The following SH3PXD2B variants were observed in gnomAD, a reference collection of about 807,000 sequenced individuals.
SH3PXD2B encodes SH3 and PX domains 2B.
SH3PXD2B carries 37 observed loss-of-function variants against 73.1 expected under a neutral mutation model. The ratio of observed to expected loss-of-function variants is 0.51; its 90% CI spans 0.39 to 0.67. The LOEUF (loss-of-function observed/expected upper bound fraction) is 0.67, where lower values mean the gene tolerates loss of function less well. SH3PXD2B is among the 30% of genes least tolerant of loss of function. The pLI, the probability that SH3PXD2B is intolerant of heterozygous loss-of-function variation, is 0.00. For missense variants in SH3PXD2B, 1,053 were observed against 1,197.8 expected, an observed-to-expected ratio of 0.88 and a Z score of 1.78; for synonymous variants, 457 against 480.5, an observed-to-expected ratio of 0.95 and a Z score of 0.64.
intron 4 of SH3PXD2B, among the ~76,000 whole-genome samples, chr5:172,393,064 T>C (rs1399515195): frequency 6.6e-6 from 1 of 152,194 alleles, no homozygotes; most frequent in Non-Finnish European, 1.5e-5. Flanking sequence ...TATTTCCACA[T>C]ACACTTGAGG....
chr5:172,417,675 C>T (rs1018930761), intron 2 of SH3PXD2B, among the ~76,000 whole-genome samples: 1 of 152,210 alleles, frequency 6.6e-6, no homozygotes. Flanking sequence ...ATCATCTCCT[C>T]TAATCTTTAC....
At position 172,336,468 on chromosome 5, in the gene SH3PXD2B, G is replaced by A. The variant is rs1448806547; in HGVS notation, c.*1901C>T. 9.1e-6 allele frequency: 9 copies of A among 985,940 alleles called. No individual in the cohort carries two copies. Among genetic ancestry groups the A allele is most frequent in the Non-Finnish European group, 1.1e-5 (9 of 830,064 alleles). 61.1% of individuals were successfully genotyped at this position (985,940 alleles called of 1,614,324 possible). A position where few individuals can be genotyped will look rare whatever the true frequency, so the allele number is the denominator to read the frequency against. On this transcript the variant is annotated 3_prime_UTR_variant, in exon 13 of 13. Transcript: ENST00000311601. ...GGATTTGCAGGCCGACTGGACGAAG[G>A]CACTAAAGATGCTACAGGTGATCAG...
chr5:172,388,780 C>T (rs567051211), intron 4 of SH3PXD2B, among the ~76,000 whole-genome samples: 5 of 152,302 alleles, frequency 3.3e-5, no homozygotes, highest in East Asian at 3.9e-4. Context: ...TGGAACTTCC[C>T]GGCTAGGCAA....
chr5:172,440,686 C>A (rs1759535289), intron 1 of SH3PXD2B, among the ~76,000 whole-genome samples: 1 of 152,186 alleles, frequency 6.6e-6, no homozygotes, highest in Non-Finnish European at 1.5e-5. Context: ...AGGTCCCGGG[C>A]CGAGGCGTCC....
At chr5:172,375,275 G>A (rs745333295) in intron 5 of SH3PXD2B, among the ~76,000 whole-genome samples, 24 of 151,898 alleles carry the variant, frequency 1.6e-4, no homozygotes, top group Non-Finnish European at 2.4e-4. Flanking sequence ...CAGGAGAATC[G>A]CTTGAACCTG....
Position 172,354,452 on chromosome 5 carries a change from TTGTC to T in SH3PXD2B, c.668-451_668-448del, listed in dbSNP as rs1292041129. On this transcript the variant is annotated intron_variant, in intron 8 of 12. Transcript: ENST00000311601. ...ATATGAGCTCCAGGAAGGCAGTTCTTTGTCTGTCTTGTTCATTCCTGTGTCTTCA... is the reference window on the plus strand; with the variant it reads ...ATATGAGCTCCAGGAAGGCAGTTCTTTGTCTTGTTCATTCCTGTGTCTTCA... Among the ~76,000 whole-genome samples the T allele has an allele frequency of 3.9e-5, 6 of 152,348 alleles. No individual in the cohort carries two copies. The East Asian group carries it at 7.7e-4, about 20-fold the overall frequency.
intron 12 of SH3PXD2B, among the ~76,000 whole-genome samples, chr5:172,343,072 C>T (rs1756895053): frequency 6.6e-6 from 1 of 152,210 alleles, no homozygotes; most frequent in Admixed American, 6.5e-5. Context: ...ATGCATACAA[C>T]AGCACTTGGT....
chr5:172,387,868 G>A (rs557546649), intron 4 of SH3PXD2B, among the ~76,000 whole-genome samples: 1 of 152,308 alleles, frequency 6.6e-6, no homozygotes, highest in African/African-American at 2.4e-5. Context: ...TATACCTAGA[G>A]ATTATAAATA....
chr5:172,440,461 C>G (rs1176587001), intron 1 of SH3PXD2B, among the ~76,000 whole-genome samples: 3 of 152,176 alleles, frequency 2.0e-5, no homozygotes, highest in Admixed American at 2.0e-4. Flanking sequence ...TTGCATTTAA[C>G]GAGCGGGCAG....
intron 4 of SH3PXD2B, among the ~76,000 whole-genome samples, chr5:172,388,818 GC>G (rs1374062964): frequency 2.6e-5 from 4 of 152,190 alleles, no homozygotes; most frequent in Non-Finnish European, 4.4e-5. Flanking sequence ...TGCCAGCAGG[GC>G]CTGGACAAAA....
At chr5:172,406,175 G>T in intron 3 of SH3PXD2B, 102 bp downstream of exon 3, 1 of 1,277,348 alleles carries the variant, frequency 7.8e-7, no homozygotes, top group Non-Finnish European at 1.1e-6. Context: ...GTGGGATGGT[G>T]TCCCCTGATA....
At chr5:172,357,875 C>T (rs1581272314) in intron 8 of SH3PXD2B, among the ~76,000 whole-genome samples, 1 of 152,318 alleles carries the variant, frequency 6.6e-6, no homozygotes, top group South Asian at 2.1e-4. Context: ...TAAAGATATG[C>T]TTTATGTGGC....
At chr5:172,404,648 T>A (rs1311382152) in intron 3 of SH3PXD2B, among the ~76,000 whole-genome samples, 1 of 152,216 alleles carries the variant, frequency 6.6e-6, no homozygotes, top group Non-Finnish European at 1.5e-5. Context: ...TTAGGGTGAT[T>A]GTCAGATTGC....
chr5:172,398,432 T>G (rs1169831901), intron 3 of SH3PXD2B, among the ~76,000 whole-genome samples: 1 of 152,230 alleles, frequency 6.6e-6, no homozygotes, highest in Non-Finnish European at 1.5e-5. Flanking sequence ...GTTGGGCAAG[T>G]GCTTTCAACA....
At chr5:172,453,826 G>C (rs1474502611) in intron 1 of SH3PXD2B, among the ~76,000 whole-genome samples, 2 of 152,198 alleles carry the variant, frequency 1.3e-5, no homozygotes, top group Non-Finnish European at 2.9e-5. Context: ...GCGAACCCTA[G>C]AGGGGCTACC....
chr5:172,391,715 T>TA (rs1388984952), intron 4 of SH3PXD2B, among the ~76,000 whole-genome samples: 3 of 152,220 alleles, frequency 2.0e-5, no homozygotes, highest in Non-Finnish European at 4.4e-5. Context: ...TTGTGATCTG[T>TA]CTGCCTTGGC....
At chr5:172,327,616 G>T (rs1194893917) in intron 12 of SH3PXD2B, among the ~76,000 whole-genome samples, 1 of 152,062 alleles carries the variant, frequency 6.6e-6, no homozygotes, top group East Asian at 1.9e-4. Flanking sequence ...TTAGAGGCAG[G>T]GTCTCACTGT....
At position 172,373,959 on chromosome 5, in the gene SH3PXD2B, A is replaced by C. The variant is rs1757767760; in HGVS notation, c.402-144T>G. ...AATAAAATCCAGGCCAACTAGAGGA[A>C]CCCTGACTTCTTCAAAGAGAAAGAA... On this transcript the variant is annotated intron_variant, in intron 5 of 12. Coordinates refer to ENST00000311601, the MANE Select transcript of SH3PXD2B (RefSeq NM_001017995.3). 3.5e-6 allele frequency: 3 copies of C among 864,498 alleles called. No homozygotes were observed. In the East Asian group the frequency reaches 7.7e-5, roughly 22 times the overall value. The allele number at this position is 864,498 out of a possible 1,614,324, so 53.6% of individuals were successfully genotyped here.
At chr5:172,411,352 G>A (rs1335933903) in intron 2 of SH3PXD2B, among the ~76,000 whole-genome samples, 1 of 152,116 alleles carries the variant, frequency 6.6e-6, no homozygotes, top group African/African-American at 2.4e-5. Context: ...CCTCAGAGGG[G>A]TCTCTACTGC....
Sources: allele counts gnomAD v4.1 joint callset (sites outside exome capture counted in the v4.1 genomes callset), GRCh38; gene constraint gnomAD v4.1.1; transcripts MANE v1.5; gene names NCBI Gene and HGNC (gene_info 2026-07-23, HGNC 2026-07-21).